Variants in ONECUT3 observed in about 807,000 individuals in gnomAD.
ONECUT3 encodes one cut homeobox 3.
In ONECUT3, 11 loss-of-function variants were observed where a neutral mutation model predicts 16.8. That is an observed-to-expected ratio of 0.66 (90% CI 0.41 to 1.09). ONECUT3 has a LOEUF of 1.09. Among genes scored for constraint, ONECUT3 ranks in the 50% least tolerant of loss-of-function variants. The pLI is 0.00. For missense variants in ONECUT3, 637 were observed against 629.9 expected (o/e 1.01, Z -0.12); for synonymous variants, 344 against 310.7 (o/e 1.11, Z -1.13).
chr19:1,773,928 CG>C (rs937876245), intron 1 of ONECUT3, among the ~76,000 whole-genome samples: 3 of 152,194 alleles, frequency 2.0e-5, no homozygotes, highest in Admixed American at 1.3e-4. Flanking sequence ...CCCATCACCC[CG>C]AGCCTTTGCT....
Position 1,766,808 on chromosome 19 carries a change from ACC to A in ONECUT3, c.1193-8336_1193-8335del, listed in dbSNP as rs147601844. ...GCAGGGTCTTGCAGGCTGGGCTGAG[ACC>A]CCCCCCCCATGCTCCACCACCCTCG... On this transcript the variant is annotated intron_variant, in intron 1 of 1. Coordinates refer to ENST00000382349, the MANE Select transcript of ONECUT3 (RefSeq NM_001080488.2). The surrounding 1 kb of genome is among the most constrained non-coding windows in gnomAD (Gnocchi z 4.0). Among the ~76,000 whole-genome samples the A allele has an allele frequency of 0.02, 2,622 of 132,994 alleles. 78 individuals are homozygous for A. Among genetic ancestry groups the A allele is most frequent in the African/African-American group, 0.068 (2,528 of 37,026 alleles). 87.2% of individuals were successfully genotyped at this position (132,994 alleles called of 152,430 possible). A position where few individuals can be genotyped will look rare whatever the true frequency, so the allele number is the denominator to read the frequency against.
At chr19:1,765,465 C>T (rs2067978238) in intron 1 of ONECUT3, among the ~76,000 whole-genome samples, 1 of 152,218 alleles carries the variant, frequency 6.6e-6, no homozygotes, top group Non-Finnish European at 1.5e-5. Context: ...CGTCCTCTCT[C>T]CCCCTTTCCT....
At chr19:1,760,590 A>T (rs1341251366) in intron 1 of ONECUT3, among the ~76,000 whole-genome samples, 1 of 151,062 alleles carries the variant, frequency 6.6e-6, no homozygotes, top group Non-Finnish European at 1.5e-5. Flanking sequence ...TCCAAGTATG[A>T]TGATGTTGTG....
chr19:1,756,364 A>C (rs1435276487), intron 1 of ONECUT3, among the ~76,000 whole-genome samples: 1 of 152,214 alleles, frequency 6.6e-6, no homozygotes, highest in Non-Finnish European at 1.5e-5. Context: ...CCTTGTGCTC[A>C]GGGAGGTCCG....
intron 1 of ONECUT3, among the ~76,000 whole-genome samples, chr19:1,768,791 G>T (rs554681570): frequency 1.3e-5 from 2 of 152,242 alleles, no homozygotes; most frequent in South Asian, 4.2e-4. Flanking sequence ...AAAGGTCATG[G>T]AGGAGGTGTG....
Position 1,758,315 on chromosome 19 carries a change from A to AAGAGAG in ONECUT3, c.1192+3477_1192+3482dup, listed in dbSNP as rs1301162596. 1.3e-4 allele frequency among the ~76,000 whole-genome samples: 10 copies of AAGAGAG among 77,056 alleles called. No individual in the cohort carries two copies. Among genetic ancestry groups the AAGAGAG allele is most frequent in the Admixed American group, 5.3e-4 (4 of 7,566 alleles). The allele number at this position is 77,056 out of a possible 152,430, so 50.6% of individuals were successfully genotyped here. On this transcript the variant is annotated intron_variant, in intron 1 of 1. Coordinates refer to ENST00000382349, the MANE Select transcript of ONECUT3 (RefSeq NM_001080488.2). The surrounding 1 kb of genome is among the most constrained non-coding windows in gnomAD (Gnocchi z 5.9). ...GCAGAGAGACCAAAAAAAAAAAAAA[A>AAGAGAG]AGAGAGAGAGAGAGAGAGAGACAGA...
At chr19:1,757,781 G>A (rs1281166170) in intron 1 of ONECUT3, among the ~76,000 whole-genome samples, 2 of 152,238 alleles carry the variant, frequency 1.3e-5, no homozygotes, top group South Asian at 2.1e-4. Flanking sequence ...GGCAAATCGC[G>A]GCGGTTAGGG....
rs2067928388 is a variant in ONECUT3, at chr19:1,758,318, AG to A, written c.1192+3465del. On this transcript the variant is annotated intron_variant, in intron 1 of 1. Transcript: ENST00000382349. This position sits in a 1 kb window ranked among gnomAD's most constrained non-coding sequence, Gnocchi z 5.9. ...GAGAGACCAAAAAAAAAAAAAAAAG[AG>A]AGAGAGAGAGAGAGAGACAGAGATG... Among the ~76,000 whole-genome samples, 334 of 48,880 alleles carry A rather than the reference AG, an allele frequency of 6.8e-3. 1 individual carries two copies. The highest frequency in any genetic ancestry group is 0.018 in the African/African-American group (306 of 16,710). 32.1% of individuals were successfully genotyped at this position (48,880 alleles called of 152,430 possible).
At chr19:1,757,137 G>A (rs572541238) in intron 1 of ONECUT3, among the ~76,000 whole-genome samples, 33 of 152,022 alleles carry the variant, frequency 2.2e-4, no homozygotes, top group Non-Finnish European at 4.1e-4. Context: ...TCCCATGGGG[G>A]GGGGGTGGGC....
Position 1,754,191 on chromosome 19 carries a change from G to T in ONECUT3, c.529G>T (p.Ala177Ser). 1 of 1,166,432 alleles carries T rather than the reference G, an allele frequency of 8.6e-7. No individual in the cohort carries two copies. Among genetic ancestry groups the T allele is most frequent in the Non-Finnish European group, 1.1e-6 (1 of 935,560 alleles). 72.3% of individuals were successfully genotyped at this position (1,166,432 alleles called of 1,614,324 possible). ...CACCCTCATGCGCGACGAGCGGGCG[G>T]CGCTCGCCTCCGTGGGCCACCTCTA... Reference protein sequence around the residue: ...SFTLMRDERAALASVGHLYGP... With the variant: ...SFTLMRDERASLASVGHLYGP... Residue 177 changes from alanine to serine, a missense_variant, in exon 1 of 2, where the codon GCG becomes TCG. Physicochemically the swap from Ala to Ser is moderately conservative, Grantham distance 99. Coordinates refer to ENST00000382349, the MANE Select transcript of ONECUT3 (RefSeq NM_001080488.2). The surrounding 1 kb of genome is among the most constrained non-coding windows in gnomAD (Gnocchi z 7.4).
At chr19:1,774,088 A>G (rs967996978) in intron 1 of ONECUT3, among the ~76,000 whole-genome samples, 2 of 151,996 alleles carry the variant, frequency 1.3e-5, no homozygotes, top group Non-Finnish European at 2.9e-5. Flanking sequence ...CTCCTCCTCC[A>G]AAGTCTTCTT....
chr19:1,768,765 A>AG (rs1044384687), intron 1 of ONECUT3, among the ~76,000 whole-genome samples: 2 of 151,228 alleles, frequency 1.3e-5, no homozygotes, highest in African/African-American at 4.9e-5. Flanking sequence ...AAACAGAGGA[A>AG]GGGGGTGAGT....
chr19:1,754,749 C>A lies in ONECUT3; in HGVS notation c.1087C>A (p.Pro363Thr). ...CACGCTCTCCGACCTGCTGCGCAAC[C>A]CCAAGCCGTGGAGCAAGCTCAAATC... ...QGTLSDLLRNPKPWSKLKSGR... is the reference protein window; with the variant it reads ...QGTLSDLLRNTKPWSKLKSGR... The change falls in exon 1 of 2, where the codon CCC becomes ACC. Residue 363 changes from proline to threonine, a missense_variant. Coordinates refer to ENST00000382349, the MANE Select transcript of ONECUT3 (RefSeq NM_001080488.2). This position sits in a 1 kb window ranked among gnomAD's most constrained non-coding sequence, Gnocchi z 7.4. The A allele has an allele frequency of 6.4e-7, 1 of 1,567,574 alleles. No individual in the cohort carries two copies. The highest frequency in any genetic ancestry group is 8.6e-7 in the Non-Finnish European group (1 of 1,159,458).
intron 1 of ONECUT3, among the ~76,000 whole-genome samples, chr19:1,769,616 C>T (rs563717579): frequency 8.0e-5 from 11 of 137,758 alleles, no homozygotes; most frequent in South Asian, 5.1e-4. Context: ...GGGGTGCTGG[C>T]GGGGGTCAGG....
rs1228450187 is a variant in ONECUT3 at position 1,762,152 on chromosome 19, C to A, written c.1192+7298C>A. Among the ~76,000 whole-genome samples, 2 of 152,238 alleles carry A rather than the reference C, an allele frequency of 1.3e-5. No individual in the cohort carries two copies. The highest frequency in any genetic ancestry group is 2.9e-5 in the Non-Finnish European group (2 of 68,036). On this transcript the variant is annotated intron_variant, in intron 1 of 1. Transcript: ENST00000382349. The surrounding 1 kb of genome is among the most constrained non-coding windows in gnomAD (Gnocchi z 4.4). ...GGGACATCTGGAAGACGCCCCATCT[C>A]CCCCTGGACGCAGTGGCTGCGCCAT...
chr19:1,758,254 GA>G lies in ONECUT3; in HGVS notation c.1192+3403del, dbSNP rs377590338. 4.1e-3 allele frequency among the ~76,000 whole-genome samples: 603 copies of G among 146,946 alleles called. 11 individuals carry two copies. The highest frequency in any genetic ancestry group is 0.015 in the African/African-American group (579 of 39,404). The stretch of plus-strand genomic sequence containing the variant: ...CGGGGAGAAGAGAAAAAGAAGCCCA[GA>G]AAGGAACAGAGGTGAAGGAGAGACG... On this transcript the variant is annotated intron_variant, in intron 1 of 1. Coordinates refer to ENST00000382349, the MANE Select transcript of ONECUT3 (RefSeq NM_001080488.2). The surrounding 1 kb of genome is among the most constrained non-coding windows in gnomAD (Gnocchi z 5.9).
At chr19:1,761,057 T>G (rs2067943966) in intron 1 of ONECUT3, among the ~76,000 whole-genome samples, 1 of 148,474 alleles carries the variant, frequency 6.7e-6, no homozygotes, top group Non-Finnish European at 1.5e-5. Flanking sequence ...TTTTTTTTTT[T>G]TTTTTTTTTT....
intron 1 of ONECUT3, among the ~76,000 whole-genome samples, chr19:1,756,695 A>ATT (rs58105449): frequency 0.012 from 1,234 of 101,082 alleles, 38 homozygotes; most frequent in African/African-American, 0.028. Context: ...ACGCCTGGCT[A>ATT]TTTTTTTTTT....
At position 1,757,224 on chromosome 19, in the gene ONECUT3, A is replaced by AC. The variant is rs201163727; in HGVS notation, c.1192+2373dup. Among the ~76,000 whole-genome samples the AC allele has an allele frequency of 1.1e-3, 170 of 152,230 alleles. 6 individuals carry two copies. The East Asian group carries it at 0.028, about 26-fold the overall frequency. ...CTGCTTCGCCTGCACCTGACCCTGC[A>AC]CCCAGGTGGGTGTTCGCTCCTGCCG... On this transcript the variant is annotated intron_variant, in intron 1 of 1. Transcript: ENST00000382349.
Sources: gnomAD v4.1 joint callset for allele counts (sites outside exome capture counted in the v4.1 genomes callset) on GRCh38, gnomAD v4.1.1 for gene constraint, Gnocchi (gnomAD v3.1) non-coding constraint, MANE v1.5 for transcripts, NCBI Gene and HGNC (gene_info 2026-07-23, HGNC 2026-07-21) for gene names.